The following STARD10 variants were observed in gnomAD, a reference collection of about 807,000 sequenced individuals.
The protein encoded by STARD10 is START domain-containing protein 10.
A neutral mutation model predicts 36.0 loss-of-function variants in STARD10; 24 were observed. The ratio of observed to expected loss-of-function variants is 0.67; its 90% CI spans 0.48 to 0.94. The LOEUF (loss-of-function observed/expected upper bound fraction) is 0.94, where lower values mean the gene tolerates loss of function less well. Ranked by LOEUF, STARD10 falls within the 40% of genes least tolerant of loss-of-function variation. STARD10 has a pLI of 0.00. For synonymous variants in STARD10, 156 were observed against 161.9 expected, an observed-to-expected ratio of 0.96 and a Z score of 0.28; for missense variants, 335 against 396.6, an observed-to-expected ratio of 0.84 and a Z score of 1.32.
chr11:72,787,024 C>A (rs1859081661), intron 1 of STARD10, among the ~76,000 whole-genome samples: 1 of 140,864 alleles, frequency 7.1e-6, no homozygotes, highest in Non-Finnish European at 1.5e-5. Flanking sequence ...TTCGAGGCTG[C>A]AGTGAGCTAT....
intron 1 of STARD10, among the ~76,000 whole-genome samples, chr11:72,787,205 TATACAAGAC>T (rs1430361980): frequency 6.6e-6 from 1 of 151,922 alleles, no homozygotes; most frequent in Non-Finnish European, 1.5e-5. Context: ...GCCAAGCCAT[TATACAAGAC>T]CACTGAGCAG....
chr11:72,767,973 C>A (rs1284408509), intron 2 of STARD10, among the ~76,000 whole-genome samples: 2 of 152,220 alleles, frequency 1.3e-5, no homozygotes, highest in Non-Finnish European at 2.9e-5. Flanking sequence ...TCAGGCCCTG[C>A]CCTGGGGGAA....
chr11:72,763,038 T>C (rs769462366), intron 2 of STARD10, among the ~76,000 whole-genome samples: 7 of 152,166 alleles, frequency 4.6e-5, no homozygotes, highest in Non-Finnish European at 1.0e-4. Context: ...GGAACCAGCT[T>C]GAAGGGCTCT....
chr11:72,759,204 G>C, intron 3 of STARD10, 30 bp downstream of exon 3: 1 of 1,612,134 alleles, frequency 6.2e-7, no homozygotes, highest in Non-Finnish European at 8.5e-7. Flanking sequence ...AGGCCAAGGG[G>C]ACTGGGATCA....
At chr11:72,755,254 T>C in intron 6 of STARD10, 112 bp from the exon 7 acceptor site, 2 of 1,277,236 alleles carry the variant, frequency 1.6e-6, no homozygotes, top group Non-Finnish European at 2.1e-6. Flanking sequence ...TTTCAAAACT[T>C]CACTCCTCAG....
At chr11:72,757,320 T>C (rs1858658488) in intron 5 of STARD10, among the ~76,000 whole-genome samples, 1 of 152,134 alleles carries the variant, frequency 6.6e-6, no homozygotes. Context: ...CTTAGGTGCC[T>C]GGAAGACATC....
intron 1 of STARD10, among the ~76,000 whole-genome samples, chr11:72,786,268 C>T (rs976437729): frequency 6.6e-6 from 1 of 152,060 alleles, no homozygotes; most frequent in African/African-American, 2.4e-5. Flanking sequence ...AAGAGGATGG[C>T]TTGAGCCCGG....
chr11:72,784,284 C>T (rs1175957896), intron 1 of STARD10, among the ~76,000 whole-genome samples: 1 of 152,218 alleles, frequency 6.6e-6, no homozygotes, highest in Non-Finnish European at 1.5e-5. Context: ...GGAGGACCCA[C>T]AACCTAGCAG....
Position 72,755,750 on chromosome 11 carries a change from G to A in STARD10, c.581C>T (p.Ser194Phe), listed in dbSNP as rs61740625. ...TYLAQVDPKG[S>F]LPKWVVNKSS... ...TTTATTCACCACCCACTTGGGTAAG[G>A]AGCCTGTGAGGGCAGGGAAGGGAGG... Residue 194 changes from serine to phenylalanine, a missense_variant, in exon 6 of 7, where the codon TCC becomes TTC. Ser to Phe is a radical substitution (Grantham distance 155). Coordinates refer to ENST00000334805, the MANE Select transcript of STARD10 (RefSeq NM_006645.3). 38 of 1,612,578 alleles carry A rather than the reference G, an allele frequency of 2.4e-5. No individual in the cohort carries two copies. Among genetic ancestry groups the A allele is most frequent in the Admixed American group, 1.3e-4 (8 of 59,856 alleles).
intron 2 of STARD10, among the ~76,000 whole-genome samples, chr11:72,772,284 C>A (rs570416986): frequency 4.0e-5 from 6 of 150,118 alleles, no homozygotes; most frequent in Non-Finnish European, 8.9e-5. Flanking sequence ...TCCCTGTGCC[C>A]GGTGCTGCCA....
At chr11:72,769,602 T>A (rs1344911710) in intron 2 of STARD10, among the ~76,000 whole-genome samples, 1 of 151,938 alleles carries the variant, frequency 6.6e-6, no homozygotes, top group Non-Finnish European at 1.5e-5. Context: ...CCTCAGCCTC[T>A]CAAAGTGCTG....
At chr11:72,787,510 C>G (rs1477227196) in intron 1 of STARD10, among the ~76,000 whole-genome samples, 2 of 152,220 alleles carry the variant, frequency 1.3e-5, no homozygotes, top group Non-Finnish European at 2.9e-5. Context: ...GAAACAGAAC[C>G]AGGTGGATTC....
rs966845329 is a variant in STARD10, at chr11:72,792,207, G to A, written c.-114+668C>T. On this transcript the variant is annotated intron_variant, in intron 1 of 6. Transcript: ENST00000334805. ...TGGGACTACAGGTGCCCGCCACAAC[G>A]CCCGGTTAATTTTTTTTTTTGTATT... Among the ~76,000 whole-genome samples the A allele has an allele frequency of 1.8e-4, 27 of 151,474 alleles. 1 individual carries two copies. The highest frequency in any genetic ancestry group is 3.4e-3 in the Middle Eastern group (1 of 294).
intron 2 of STARD10, among the ~76,000 whole-genome samples, chr11:72,764,107 T>A (rs563960843): frequency 6.6e-6 from 1 of 152,252 alleles, no homozygotes; most frequent in African/African-American, 2.4e-5. Context: ...TCCTGGACCA[T>A]GAGTGGATGG....
intron 2 of STARD10, among the ~76,000 whole-genome samples, chr11:72,761,126 G>T (rs533346059): frequency 1.3e-5 from 2 of 152,012 alleles, no homozygotes; most frequent in Non-Finnish European, 2.9e-5. Context: ...TCACGCCTTG[G>T]ATATAACTTC....
chr11:72,787,660 C>G (rs996997217), intron 1 of STARD10, among the ~76,000 whole-genome samples: 2 of 152,198 alleles, frequency 1.3e-5, no homozygotes, highest in African/African-American at 2.4e-5. Context: ...TCCAAAAGCC[C>G]GGGAGTTTCC....
intron 2 of STARD10, among the ~76,000 whole-genome samples, chr11:72,767,747 G>A (rs932963385): frequency 7.9e-5 from 12 of 152,210 alleles, no homozygotes; most frequent in Non-Finnish European, 1.6e-4. Flanking sequence ...AGCAGTGCTG[G>A]TCCATCTGTG....
intron 1 of STARD10, among the ~76,000 whole-genome samples, chr11:72,788,755 G>T (rs1015852740): frequency 6.6e-6 from 1 of 152,112 alleles, no homozygotes; most frequent in Admixed American, 6.5e-5. Flanking sequence ...TAGAGATGAG[G>T]TTTCACTATG....
intron 2 of STARD10, among the ~76,000 whole-genome samples, chr11:72,776,908 G>A (rs1858936069): frequency 6.6e-6 from 1 of 152,082 alleles, no homozygotes; most frequent in African/African-American, 2.4e-5. Flanking sequence ...GGCTGGGAGG[G>A]GCCGCCTGAG....
Sources: gnomAD v4.1 joint callset for allele counts (sites outside exome capture counted in the v4.1 genomes callset) on GRCh38, gnomAD v4.1.1 for gene constraint, MANE v1.5 for transcripts, NCBI Gene and HGNC (gene_info 2026-07-23, HGNC 2026-07-21) for gene names.